GSE1: variants seen among roughly 807,000 people sequenced by gnomAD.
GSE1 encodes Gse1 coiled-coil protein.
GSE1 carries 32 observed loss-of-function variants against 112.6 expected under a neutral mutation model. That is an observed-to-expected ratio of 0.28 (90% CI 0.21 to 0.38). GSE1 has a LOEUF of 0.38. GSE1 is among the 10% of genes least tolerant of loss of function. The probability of loss-of-function intolerance (pLI) is 1.00; values close to 1 mark genes in which losing one functional copy is unlikely to be tolerated. For synonymous variants in GSE1, 1,115 were observed against 735.6 expected, an observed-to-expected ratio of 1.52 and a Z score of -8.35; for missense variants, 2,348 against 1,699.2, an observed-to-expected ratio of 1.38 and a Z score of -6.71.
At chr16:85,274,274 A>G (rs886832548) in intron 1 of GSE1, among the ~76,000 whole-genome samples, 2 of 151,886 alleles carry the variant, frequency 1.3e-5, no homozygotes, top group Non-Finnish European at 2.9e-5. Context: ...AATCCCAGCT[A>G]CTCGGGAGGC....
Position 85,456,979 on chromosome 16 carries a change from G to A in GSE1, c.2464+99336G>A, listed in dbSNP as rs188559834. Among the ~76,000 whole-genome samples the A allele has an allele frequency of 3.9e-5, 6 of 152,312 alleles. No homozygotes were observed. In the East Asian group the frequency reaches 1.2e-3, roughly 29 times the overall value. Reference sequence around the variant, plus strand: ...CAAGAGACCAACTCCCGACAGAAGAGCTGACCAAGGGCTTCCGCAGCCTCC... The same window carrying A: ...CAAGAGACCAACTCCCGACAGAAGAACTGACCAAGGGCTTCCGCAGCCTCC... On this transcript the variant is annotated intron_variant, in intron 2 of 2. Coordinates refer to the GSE1 transcript ENST00000637419.
chr16:85,542,528 C>G (rs2044556831), intron 2 of GSE1, among the ~76,000 whole-genome samples: 1 of 152,228 alleles, frequency 6.6e-6, no homozygotes, highest in Non-Finnish European at 1.5e-5. Flanking sequence ...GCAAGCCTAC[C>G]TCCCAATGAA....
chr16:85,374,743 C>T (rs2047382064), intron 2 of GSE1, among the ~76,000 whole-genome samples: 1 of 152,130 alleles, frequency 6.6e-6, no homozygotes, highest in Admixed American at 6.5e-5. Flanking sequence ...TTGGTGAGGG[C>T]TGTGGAGGAG....
intron 1 of GSE1, among the ~76,000 whole-genome samples, chr16:85,622,919 T>C (rs927807076): frequency 3.3e-5 from 5 of 152,100 alleles, no homozygotes. Flanking sequence ...CTGCATGTAC[T>C]TGGAGAATTG....
intron 1 of GSE1, among the ~76,000 whole-genome samples, chr16:85,327,971 G>GT (rs1476998770): frequency 6.6e-6 from 1 of 152,154 alleles, no homozygotes; most frequent in Non-Finnish European, 1.5e-5. Context: ...AGATCGCCTG[G>GT]TACAGATCCC....
At chr16:85,382,320 C>A (rs538694303) in intron 2 of GSE1, among the ~76,000 whole-genome samples, 1 of 152,180 alleles carries the variant, frequency 6.6e-6, no homozygotes, top group Non-Finnish European at 1.5e-5. Context: ...CAGGGACGGC[C>A]GCCTTGTAGT....
At chr16:85,331,675 G>C in intron 1 of GSE1, among the ~76,000 whole-genome samples, 1 of 37,722 alleles carries the variant, frequency 2.7e-5, no homozygotes, top group South Asian at 1.1e-3. Context: ...GTGTGTGTGT[G>C]TGTGTGTGTG....
intron 1 of GSE1, among the ~76,000 whole-genome samples, chr16:85,333,965 A>G (rs1475156340): frequency 1.3e-5 from 2 of 152,156 alleles, no homozygotes; most frequent in Non-Finnish European, 2.9e-5. Context: ...CTTTCCTGCT[A>G]GATACTACTG....
At chr16:85,242,383 G>A (rs1567633355) in intron 1 of GSE1, among the ~76,000 whole-genome samples, 1 of 152,234 alleles carries the variant, frequency 6.6e-6, no homozygotes, top group Non-Finnish European at 1.5e-5. Flanking sequence ...TGCAGGAAGG[G>A]GTGGGTCAGT....
intron 2 of GSE1, among the ~76,000 whole-genome samples, chr16:85,542,590 A>G (rs2044559553): frequency 6.6e-6 from 1 of 152,258 alleles, no homozygotes; most frequent in African/African-American, 2.4e-5. Flanking sequence ...ACAACCGGAA[A>G]GGCTGTCTTT....
intron 2 of GSE1, among the ~76,000 whole-genome samples, chr16:85,398,803 C>T (rs894282497): frequency 5.9e-5 from 9 of 152,070 alleles, no homozygotes; most frequent in South Asian, 4.2e-4. Flanking sequence ...TACATGGTCC[C>T]GCACAGAGAA....
intron 2 of GSE1, among the ~76,000 whole-genome samples, chr16:85,478,933 CTTTCTTTCTTTCTTTT>C (rs1364413658): frequency 1.2e-4 from 9 of 74,854 alleles, no homozygotes; most frequent in South Asian, 4.9e-4. Context: ...CTTTCTCTTT[CTTTCTTTCTTTCTTTT>C]TTTTTCTTTC....
At chr16:85,298,951 C>T (rs1053756906) in intron 1 of GSE1, among the ~76,000 whole-genome samples, 2 of 152,168 alleles carry the variant, frequency 1.3e-5, no homozygotes, top group African/African-American at 4.8e-5. Context: ...TGGCTGTCCC[C>T]AGTCACCTGC....
chr16:85,429,865 A>G (rs2049078792), intron 2 of GSE1, among the ~76,000 whole-genome samples: 1 of 152,134 alleles, frequency 6.6e-6, no homozygotes, highest in African/African-American at 2.4e-5. Flanking sequence ...GAGCTTACTC[A>G]TGGATGTGTG....
rs771961427 is a variant in GSE1 at position 85,634,147 on chromosome 16, C to G, written c.226+15C>G. The G allele has an allele frequency of 7.0e-7, 1 of 1,436,338 alleles. No homozygotes were observed. Among genetic ancestry groups the G allele is most frequent in the Non-Finnish European group, 9.1e-7 (1 of 1,101,624 alleles). The allele number at this position is 1,436,338 out of a possible 1,614,324, so 89.0% of individuals were successfully genotyped here. A position where few individuals can be genotyped will look rare whatever the true frequency, so the allele number is the denominator to read the frequency against. ...GGAGCCCAGAGGTAAGGGGGCCCGC[C>G]AGGCTGCGCGTGGGGGGAGCGGCGG... On this transcript the variant is annotated intron_variant, in intron 2 of 15. Transcript: ENST00000253458.
chr16:85,614,643 G>C (rs966258654), intron 1 of GSE1, among the ~76,000 whole-genome samples: 1 of 152,240 alleles, frequency 6.6e-6, no homozygotes, highest in African/African-American at 2.4e-5. Context: ...TGCTGGCGGT[G>C]GGGGAGCACC....
intron 1 of GSE1, among the ~76,000 whole-genome samples, chr16:85,224,301 C>CAAAAAAAAAAAAAAAAAAAA (rs55755242): frequency 2.6e-5 from 1 of 38,802 alleles, no homozygotes; most frequent in Admixed American, 4.7e-4. Context: ...ACTAAAAATA[C>CAAAAAAAAAAAAAAAAAAAA]AAAAAAAAAA....
intron 3 of GSE1, 109 bp downstream of exon 3, chr16:85,648,860 C>G (rs945620229): frequency 1.9e-5 from 11 of 588,634 alleles, no homozygotes; most frequent in African/African-American, 1.7e-4. Context: ...TTCCAGACAC[C>G]CCCTCCCCCA....
chr16:85,377,853 T>C (rs866816120), intron 2 of GSE1, among the ~76,000 whole-genome samples: 2 of 152,128 alleles, frequency 1.3e-5, no homozygotes, highest in East Asian at 1.9e-4. Flanking sequence ...GGGGAGGGCA[T>C]GGGCCCCCAA....
Sources: allele counts gnomAD v4.1 joint callset (sites outside exome capture counted in the v4.1 genomes callset), GRCh38; gene constraint gnomAD v4.1.1; transcripts MANE v1.5; gene names NCBI Gene and HGNC (gene_info 2026-07-23, HGNC 2026-07-21).